PAPSS1: variants seen among roughly 807,000 people sequenced by gnomAD.
PAPSS1 encodes 3'-phosphoadenosine 5'-phosphosulfate synthase 1.
A neutral mutation model predicts 72.0 loss-of-function variants in PAPSS1; 50 were observed. That is an observed-to-expected ratio of 0.69 (90% CI 0.55 to 0.88). The LOEUF (loss-of-function observed/expected upper bound fraction) is 0.88, where lower values mean the gene tolerates loss of function less well. Among genes scored for constraint, PAPSS1 ranks in the 40% least tolerant of loss-of-function variants. The probability of loss-of-function intolerance (pLI) is 0.00; values close to 1 mark genes in which losing one functional copy is unlikely to be tolerated. For missense variants in PAPSS1, 657 were observed against 782.2 expected (o/e 0.84, Z 1.91); for synonymous variants, 261 against 263.6 (o/e 0.99, Z 0.09).
intron 11 of PAPSS1, among the ~76,000 whole-genome samples, chr4:107,616,522 T>C (rs1725828073): frequency 1.3e-5 from 2 of 152,142 alleles, no homozygotes; most frequent in African/African-American, 2.4e-5. Flanking sequence ...AGGAGCTCAG[T>C]AAATATTTGG....
intron 6 of PAPSS1, among the ~76,000 whole-genome samples, chr4:107,657,582 A>G (rs2726205): frequency 0.63 from 95,231 of 151,780 alleles, 30,480 homozygotes; most frequent in African/African-American, 0.75. Flanking sequence ...AATTAGCCAG[A>G]TGTGGTGGCG....
At chr4:107,658,032 C>A (rs1303523266) in intron 6 of PAPSS1, among the ~76,000 whole-genome samples, 3 of 152,068 alleles carry the variant, frequency 2.0e-5, no homozygotes, top group African/African-American at 7.2e-5. Flanking sequence ...GAGCCTGGAA[C>A]ATCTTGCTGA....
intron 10 of PAPSS1, among the ~76,000 whole-genome samples, chr4:107,632,454 T>TGAGAA (rs1726246424): frequency 6.6e-6 from 1 of 151,918 alleles, no homozygotes; most frequent in Admixed American, 6.6e-5. Flanking sequence ...AAACTAGTAC[T>TGAGAA]GAGAAAATCG....
intron 5 of PAPSS1, among the ~76,000 whole-genome samples, chr4:107,665,043 T>C (rs1013831429): frequency 2.6e-5 from 4 of 152,152 alleles, no homozygotes; most frequent in African/African-American, 7.2e-5. Flanking sequence ...AAAATAAACA[T>C]TCGAAAGGTT....
chr4:107,701,304 A>G lies in PAPSS1; in HGVS notation c.61-19T>C, dbSNP rs545864056. ...GCATTCCCTAGAAAAAAAAGAAAAA[A>G]AAAATTCTAGTTTACATGAGTCCTT... On this transcript the variant is annotated intron_variant, in intron 1 of 11. Transcript: ENST00000265174. The G allele has an allele frequency of 6.4e-7, 1 of 1,564,944 alleles. No individual in the cohort carries two copies.
intron 2 of PAPSS1, among the ~76,000 whole-genome samples, chr4:107,700,251 C>T (rs1723172914): frequency 6.6e-6 from 1 of 152,164 alleles, no homozygotes; most frequent in Non-Finnish European, 1.5e-5. Context: ...TCCCATACTG[C>T]TGGTAGGAGA....
At position 107,614,363 on chromosome 4, in the gene PAPSS1, T is replaced by C. The variant is rs1209562829; in HGVS notation, c.1761A>G (p.Ser587=). 2 of 1,613,714 alleles carry C rather than the reference T, an allele frequency of 1.2e-6. No individual in the cohort carries two copies. Among genetic ancestry groups the C allele is most frequent in the Non-Finnish European group, 1.7e-6 (2 of 1,179,712 alleles). ...GAGCAAGTTTGCGCATTCGTGTTCC[T>C]GAAATAAATTCAAAGTCTTCATGGC... ...SEHHEDFEFI[S]GTRMRKLARE... The change falls in exon 12 of 12, where the codon TCA becomes TCG. Residue 587 remains serine, a synonymous_variant. Coordinates refer to ENST00000265174, the MANE Select transcript of PAPSS1 (RefSeq NM_005443.5).
At chr4:107,629,986 A>G (rs1726189587) in intron 11 of PAPSS1, among the ~76,000 whole-genome samples, 1 of 152,160 alleles carries the variant, frequency 6.6e-6, no homozygotes, top group Non-Finnish European at 1.5e-5. Context: ...CTAAGGTCCT[A>G]ATTTGGCTCT....
At chr4:107,672,178 G>A (rs1033937516) in intron 5 of PAPSS1, among the ~76,000 whole-genome samples, 1 of 152,214 alleles carries the variant, frequency 6.6e-6, no homozygotes, top group East Asian at 1.9e-4. Context: ...TTCCAACTGA[G>A]GCACCGGGCG....
intron 5 of PAPSS1, among the ~76,000 whole-genome samples, chr4:107,673,975 T>G (rs1261715106): frequency 6.6e-6 from 1 of 152,030 alleles, no homozygotes. Context: ...AGAAATAAAA[T>G]CCTTAACAGA....
intron 2 of PAPSS1, among the ~76,000 whole-genome samples, chr4:107,696,707 C>T (rs1447995294): frequency 2.0e-5 from 3 of 149,850 alleles, no homozygotes; most frequent in Non-Finnish European, 3.0e-5. Flanking sequence ...ACAAACTGCA[C>T]GTTCTACACA....
intron 11 of PAPSS1, among the ~76,000 whole-genome samples, chr4:107,630,608 G>A (rs183365958): frequency 5.3e-5 from 8 of 152,182 alleles, no homozygotes; most frequent in Admixed American, 4.6e-4. Flanking sequence ...CTGTGAAAAC[G>A]GATAAATACA....
chr4:107,675,505 T>C (rs1238747478), intron 5 of PAPSS1, among the ~76,000 whole-genome samples: 8 of 152,188 alleles, frequency 5.3e-5, no homozygotes, highest in South Asian at 4.1e-4. Flanking sequence ...AATCTCTGAA[T>C]AGACCAATAA....
At chr4:107,692,795 T>A (rs1722968307) in intron 3 of PAPSS1, among the ~76,000 whole-genome samples, 2 of 151,964 alleles carry the variant, frequency 1.3e-5, no homozygotes, top group African/African-American at 4.8e-5. Context: ...TATATATATA[T>A]ATCATGGAAT....
chr4:107,657,306 G>T (rs1367381869), intron 6 of PAPSS1, among the ~76,000 whole-genome samples: 1 of 152,150 alleles, frequency 6.6e-6, no homozygotes, highest in Non-Finnish European at 1.5e-5. Context: ...TGCTTCATCT[G>T]CAGAGTTTCA....
intron 5 of PAPSS1, among the ~76,000 whole-genome samples, chr4:107,665,270 A>C (rs1206686724): frequency 6.6e-6 from 1 of 152,210 alleles, no homozygotes; most frequent in Non-Finnish European, 1.5e-5. Flanking sequence ...AGCACATTCC[A>C]GTGACAAATC....
At chr4:107,624,775 G>A (rs1376683778) in intron 11 of PAPSS1, among the ~76,000 whole-genome samples, 1 of 152,266 alleles carries the variant, frequency 6.6e-6, no homozygotes, top group East Asian at 1.9e-4. Flanking sequence ...AGACTCATTG[G>A]TAAATTCACG....
intron 1 of PAPSS1, among the ~76,000 whole-genome samples, chr4:107,714,210 A>C (rs1452377566): frequency 1.3e-5 from 2 of 152,220 alleles, no homozygotes; most frequent in African/African-American, 2.4e-5. Context: ...CGTTTTAGTC[A>C]GAATACTCCC....
At chr4:107,675,602 G>C (rs1395119997) in intron 5 of PAPSS1, among the ~76,000 whole-genome samples, 1 of 152,108 alleles carries the variant, frequency 6.6e-6, no homozygotes, top group Non-Finnish European at 1.5e-5. Flanking sequence ...TTCTACCAGA[G>C]GTACAAGGAG....
Sources: allele counts gnomAD v4.1 joint callset (sites outside exome capture counted in the v4.1 genomes callset), GRCh38; gene constraint gnomAD v4.1.1; transcripts MANE v1.5; gene names NCBI Gene and HGNC (gene_info 2026-07-23, HGNC 2026-07-21).